The following TRAFD1 variants were observed in gnomAD, a reference collection of about 807,000 sequenced individuals.
TRAFD1 encodes TRAF-type zinc finger domain-containing protein 1.
A neutral mutation model predicts 65.3 loss-of-function variants in TRAFD1; 38 were observed. That is an observed-to-expected ratio of 0.58 (90% CI 0.45 to 0.76). The LOEUF is 0.76. Ranked by LOEUF, TRAFD1 falls within the 30% of genes least tolerant of loss-of-function variation. The pLI, the probability that TRAFD1 is intolerant of heterozygous loss-of-function variation, is 0.00. For missense variants in TRAFD1, 631 were observed against 712.6 expected (o/e 0.89, Z 1.30); for synonymous variants, 223 against 257.2 (o/e 0.87, Z 1.27).
rs1477713695 is a variant in TRAFD1 at position 112,141,033 on chromosome 12, A to G, written c.452A>G (p.Asn151Ser). Residue 151 changes from asparagine to serine, a missense_variant, in exon 5 of 12, where the codon AAT becomes AGT. Asn to Ser is a conservative substitution (Grantham distance 46, BLOSUM62 1). Coordinates refer to ENST00000412615, the MANE Select transcript of TRAFD1 (RefSeq NM_006700.3). ...AGAAATGAGGTTGCCATACCTCCTA[A>G]TGCATATGATGAATCTTGGGGTCAG... ...EKRNEVAIPP[N>S]AYDESWGQDG... The G allele has an allele frequency of 6.2e-7, 1 of 1,614,194 alleles. No individual in the cohort carries two copies. The highest frequency in any genetic ancestry group is 8.5e-7 in the Non-Finnish European group (1 of 1,180,028).
At chr12:112,149,337 G>A (rs1011560505) in intron 8 of TRAFD1, 3 of 163,258 alleles carry the variant, frequency 1.8e-5, no homozygotes, top group African/African-American at 7.2e-5. Context: ...AAATACTCTG[G>A]TGAGAGTATA....
In TRAFD1 at chr12:112,152,324, T is replaced by C. The variant is rs966479345; in HGVS notation, c.1620-103T>C. ...ATTATTTTGTGGCCTATGGGTTTTT[T>C]GGGGTTTGTCTGCTAGCATAGGACT... On this transcript the variant is annotated intron_variant, in intron 10 of 11. Coordinates refer to ENST00000412615, the MANE Select transcript of TRAFD1 (RefSeq NM_006700.3). The surrounding 1 kb of genome is among the most constrained non-coding windows in gnomAD (Gnocchi z 5.0). 6.6e-7 allele frequency: 1 copy of C among 1,512,506 alleles called. No homozygotes were observed. Among genetic ancestry groups the C allele is most frequent in the African/African-American group, 1.4e-5 (1 of 72,180 alleles). 93.7% of individuals were successfully genotyped at this position (1,512,506 alleles called of 1,614,324 possible).
Position 112,145,770 on chromosome 12 carries a change from A to T in TRAFD1, c.927+108A>T, listed in dbSNP as rs558955021. On this transcript the variant is annotated intron_variant, in intron 7 of 11. Coordinates refer to ENST00000412615, the MANE Select transcript of TRAFD1 (RefSeq NM_006700.3). ...CAAATCATTTTAATACAATGCCCATAGTAGGAATAGCAAGTGTTCTTTTCC... is the reference window on the plus strand; with the variant it reads ...CAAATCATTTTAATACAATGCCCATTGTAGGAATAGCAAGTGTTCTTTTCC... 5.4e-6 allele frequency: 5 copies of T among 929,916 alleles called. No individual in the cohort carries two copies. In the South Asian group the frequency reaches 6.1e-5, roughly 11 times the overall value. 57.6% of individuals were successfully genotyped at this position (929,916 alleles called of 1,614,324 possible).
At chr12:112,138,628 C>A (rs920261176) in intron 4 of TRAFD1, among the ~76,000 whole-genome samples, 1 of 150,376 alleles carries the variant, frequency 6.6e-6, no homozygotes, top group South Asian at 2.1e-4. Flanking sequence ...GAGGCTGAGG[C>A]AGGCAGATCA....
At chr12:112,134,643 ATTGGACAGGACAGATTTCCATGTG>A in intron 2 of TRAFD1, 71 bp from the exon 3 acceptor site, 2 of 1,394,562 alleles carry the variant, frequency 1.4e-6, no homozygotes, top group South Asian at 2.7e-5. Context: ...GAGACTAAAG[ATTGGACAGGACAGATTTCCATGTG>A]ATGCCACTGT....
chr12:112,127,746 A>G (rs1213516892), intron 1 of TRAFD1, among the ~76,000 whole-genome samples: 1 of 151,782 alleles, frequency 6.6e-6, no homozygotes, highest in Non-Finnish European at 1.5e-5. Context: ...GCTCACTGCA[A>G]GCTCTTTTTA....
At chr12:112,134,635 G>T in intron 2 of TRAFD1, 103 bp from the exon 3 acceptor site, 1 of 1,307,648 alleles carries the variant, frequency 7.6e-7, no homozygotes, top group Non-Finnish European at 1.1e-6. Context: ...AAATAATGGA[G>T]ACTAAAGATT....
In TRAFD1 at chr12:112,149,822, G is replaced by C; in HGVS notation, c.1230G>C (p.Gln410His). 1 of 1,614,180 alleles carries C rather than the reference G, an allele frequency of 6.2e-7. No homozygotes were observed. Among genetic ancestry groups the C allele is most frequent in the South Asian group, 1.1e-5 (1 of 91,084 alleles). ...AGGGGATTCCTAGACTGGATTCCCA[G>C]CCTCAAGAGACCTCACCAGAGCTGC... Reference protein sequence around the residue: ...VTEGIPRLDSQPQETSPELPR... With the variant: ...VTEGIPRLDSHPQETSPELPR... The change falls in exon 9 of 12, where the codon CAG becomes CAC. Residue 410 changes from glutamine (Q) to histidine (H), a missense_variant. Physicochemically the swap from Gln to His is conservative, Grantham distance 24 (BLOSUM62 0). Coordinates refer to ENST00000412615, the MANE Select transcript of TRAFD1 (RefSeq NM_006700.3).
intron 2 of TRAFD1, among the ~76,000 whole-genome samples, chr12:112,131,849 A>T (rs998964646): frequency 4.5e-4 from 68 of 152,290 alleles, no homozygotes; most frequent in African/African-American, 1.5e-3. Flanking sequence ...TATCTTTTTT[A>T]TTTCAGCATT....
intron 2 of TRAFD1, 146 bp from the exon 3 acceptor site, chr12:112,134,592 C>A: frequency 1.1e-6 from 1 of 945,478 alleles, no homozygotes; most frequent in Non-Finnish European, 1.6e-6. Context: ...TGGTAATAGT[C>A]ATGAGTTTGT....
chr12:112,126,330 C>T (rs1348560977), intron 1 of TRAFD1, among the ~76,000 whole-genome samples: 1 of 152,102 alleles, frequency 6.6e-6, no homozygotes, highest in East Asian at 1.9e-4. Flanking sequence ...ATCTAGCTGA[C>T]CCCCAACAGG....
chr12:112,152,315 TG>T lies in TRAFD1; in HGVS notation c.1620-109del, dbSNP rs770596540. ...TCCAAAAAAATTATTTTGTGGCCTATGGGTTTTTTGGGGTTTGTCTGCTAGC... is the reference window on the plus strand; with the variant it reads ...TCCAAAAAAATTATTTTGTGGCCTATGGTTTTTTGGGGTTTGTCTGCTAGC... On this transcript the variant is annotated intron_variant, in intron 10 of 11. Coordinates refer to ENST00000412615, the MANE Select transcript of TRAFD1 (RefSeq NM_006700.3). The surrounding 1 kb of genome is among the most constrained non-coding windows in gnomAD (Gnocchi z 5.0). 20 of 1,480,306 alleles carry T rather than the reference TG, an allele frequency of 1.4e-5. No individual in the cohort carries two copies. The highest frequency in any genetic ancestry group is 1.8e-5 in the Non-Finnish European group (20 of 1,087,324). 91.7% of individuals were successfully genotyped at this position (1,480,306 alleles called of 1,614,324 possible).
intron 1 of TRAFD1, among the ~76,000 whole-genome samples, chr12:112,127,996 C>T (rs2079549385): frequency 6.6e-6 from 1 of 151,700 alleles, no homozygotes; most frequent in Non-Finnish European, 1.5e-5. Context: ...AGACACTGCA[C>T]CTGGCCCACA....
At chr12:112,128,784 C>A (rs1412485519) in intron 1 of TRAFD1, among the ~76,000 whole-genome samples, 1 of 152,010 alleles carries the variant, frequency 6.6e-6, no homozygotes, top group Non-Finnish European at 1.5e-5. Context: ...TGCCTGTAAT[C>A]CCAGCACTTT....
chr12:112,135,524 C>T (rs910442827), intron 4 of TRAFD1, among the ~76,000 whole-genome samples: 2 of 151,410 alleles, frequency 1.3e-5, no homozygotes, highest in African/African-American at 4.9e-5. Flanking sequence ...ACCTCTGCCT[C>T]CCAGGTTCAA....
At chr12:112,147,811 T>C (rs556314804) in intron 7 of TRAFD1, among the ~76,000 whole-genome samples, 3 of 151,992 alleles carry the variant, frequency 2.0e-5, no homozygotes, top group Non-Finnish European at 4.4e-5. Context: ...GCTGGGATTA[T>C]AGCCAAGTGC....
intron 2 of TRAFD1, among the ~76,000 whole-genome samples, chr12:112,132,005 G>T (rs1007955674): frequency 1.3e-5 from 2 of 152,098 alleles, no homozygotes; most frequent in Non-Finnish European, 2.9e-5. Context: ...TGTGTATGTA[G>T]TATGTCAACA....
At chr12:112,142,917 CA>C (rs2030131661) in intron 6 of TRAFD1, among the ~76,000 whole-genome samples, 4 of 149,438 alleles carry the variant, frequency 2.7e-5, no homozygotes, top group African/African-American at 9.8e-5. Flanking sequence ...CTATTCTGAA[CA>C]TTTTTTTTTT....
At position 112,136,767 on chromosome 12, in the gene TRAFD1, G is replaced by A. The variant is rs908516724; in HGVS notation, c.237+1701G>A. ...TGCCTGACTAATTTTATTTATTTTTGTTTTTCATAGAGTTGGGGTCTTGTT... is the reference window on the plus strand; with the variant it reads ...TGCCTGACTAATTTTATTTATTTTTATTTTTCATAGAGTTGGGGTCTTGTT... On this transcript the variant is annotated intron_variant, in intron 4 of 11. Transcript: ENST00000412615. Among the ~76,000 whole-genome samples, 3 of 151,990 alleles carry A rather than the reference G, an allele frequency of 2.0e-5. No individual in the cohort carries two copies. The South Asian group carries it at 6.2e-4, about 32-fold the overall frequency.
Sources: allele counts gnomAD v4.1 joint callset (sites outside exome capture counted in the v4.1 genomes callset), GRCh38; gene constraint gnomAD v4.1.1; non-coding constraint Gnocchi (gnomAD v3.1); transcripts MANE v1.5; gene names NCBI Gene and HGNC (gene_info 2026-07-23, HGNC 2026-07-21).